Variants in PRKN observed in about 807,000 individuals in gnomAD.
The protein encoded by PRKN is parkin RBR E3 ubiquitin protein ligase, also known as E3 ubiquitin-protein ligase parkin.
PRKN carries 56 observed loss-of-function variants against 59.5 expected under a neutral mutation model. That is an observed-to-expected ratio of 0.94 (90% CI 0.76 to 1.18). The LOEUF is 1.18. Among genes scored for constraint, PRKN ranks in the 50% most tolerant of loss-of-function variants. The pLI, the probability that PRKN is intolerant of heterozygous loss-of-function variation, is 0.00. For synonymous variants in PRKN, 250 were observed against 222.1 expected (o/e 1.13, Z -1.12); for missense variants, 657 against 596.4 (o/e 1.10, Z -1.06).
intron 2 of PRKN, among the ~76,000 whole-genome samples, chr6:162,305,240 T>G (rs1782167371): frequency 6.6e-6 from 1 of 152,142 alleles, no homozygotes; most frequent in Admixed American, 6.6e-5. Flanking sequence ...GCCCTCAGTG[T>G]CTTTGTAAAC....
chr6:162,142,693 T>C (rs1488941765), intron 4 of PRKN, among the ~76,000 whole-genome samples: 1 of 152,150 alleles, frequency 6.6e-6, no homozygotes, highest in African/African-American at 2.4e-5. Context: ...CAGTAAACAG[T>C]AACAGAATCA....
At chr6:162,635,811 T>C (rs1440263869) in intron 1 of PRKN, among the ~76,000 whole-genome samples, 1 of 152,156 alleles carries the variant, frequency 6.6e-6, no homozygotes, top group Non-Finnish European at 1.5e-5. Flanking sequence ...TTGACACAAG[T>C]GAGTGCCTCA....
At chr6:161,580,705 CT>C (rs1253532406) in intron 7 of PRKN, among the ~76,000 whole-genome samples, 1 of 151,840 alleles carries the variant, frequency 6.6e-6, no homozygotes, top group African/African-American at 2.4e-5. Context: ...GTCTAAATTT[CT>C]TGATCTCATG....
chr6:161,817,360 G>A (rs1335752192), intron 6 of PRKN, among the ~76,000 whole-genome samples: 4 of 152,206 alleles, frequency 2.6e-5, no homozygotes, highest in African/African-American at 9.6e-5. Flanking sequence ...ACAGGGCCAC[G>A]TGGGTTTCCC....
intron 4 of PRKN, among the ~76,000 whole-genome samples, chr6:162,150,979 A>C (rs892292512): frequency 1.3e-5 from 2 of 152,206 alleles, no homozygotes; most frequent in Non-Finnish European, 2.9e-5. Context: ...TGAGTTTCTA[A>C]TAAAAGTAAA....
At chr6:162,200,841 A>T (rs998799971) in intron 4 of PRKN, among the ~76,000 whole-genome samples, 3 of 152,156 alleles carry the variant, frequency 2.0e-5, no homozygotes, top group Non-Finnish European at 4.4e-5. Context: ...ACCGTAACAG[A>T]AGCCCAACCT....
rs1450720950 is a variant in PRKN at position 161,581,428 on chromosome 6, C to T, written c.872-12012G>A. Among the ~76,000 whole-genome samples the T allele has an allele frequency of 6.6e-6, 1 of 152,058 alleles. No individual in the cohort carries two copies. The highest frequency in any genetic ancestry group is 1.5e-5 in the Non-Finnish European group (1 of 68,026). ...AAAAATGTCAATTAACTACCATGCC[C>T]AATAAGTACATAAGCAAAAGGAGTT... On this transcript the variant is annotated intron_variant, in intron 7 of 11. Transcript: ENST00000366898. The surrounding 1 kb of genome is among the most constrained non-coding windows in gnomAD (Gnocchi z 4.5).
rs1044469330 is a variant in PRKN, at chr6:161,488,772, A to G, written c.1083+60082T>C. Among the ~76,000 whole-genome samples, 1 of 152,182 alleles carries G rather than the reference A, an allele frequency of 6.6e-6. No homozygotes were observed. Among genetic ancestry groups the G allele is most frequent in the African/African-American group, 2.4e-5 (1 of 41,448 alleles). On this transcript the variant is annotated intron_variant, in intron 9 of 11. Transcript: ENST00000366898. The surrounding 1 kb of genome is among the most constrained non-coding windows in gnomAD (Gnocchi z 4.5). ...AGTGTTGGGATTACAGGCGTAAGCC[A>G]CCACACCTGGCATAACAAGGAATTT... is the stretch of plus-strand genomic sequence containing the variant.
chr6:162,268,413 C>T (rs80116886), intron 2 of PRKN, among the ~76,000 whole-genome samples: 3,479 of 152,276 alleles, frequency 0.023, 128 homozygotes, highest in African/African-American at 0.08. Flanking sequence ...AGGCCCTCAC[C>T]AGACACTGAA....
Position 161,360,683 on chromosome 6 carries a change from C to G in PRKN, c.1168-478G>C, listed in dbSNP as rs903116196. The stretch of plus-strand genomic sequence containing the variant: ...TTTGCTTTTAAACTTTGCTCTACAT[C>G]TTGTTATCCTTCCTTGCACCTGGCA... On this transcript the variant is annotated intron_variant, in intron 10 of 11. Coordinates refer to ENST00000366898, the MANE Select transcript of PRKN (RefSeq NM_004562.3). The surrounding 1 kb of genome is among the most constrained non-coding windows in gnomAD (Gnocchi z 5.1). 6.6e-6 allele frequency among the ~76,000 whole-genome samples: 1 copy of G among 152,050 alleles called. No individual in the cohort carries two copies. The highest frequency in any genetic ancestry group is 1.5e-5 in the Non-Finnish European group (1 of 68,024).
chr6:162,350,884 G>T (rs1583424502), intron 2 of PRKN, among the ~76,000 whole-genome samples: 1 of 152,008 alleles, frequency 6.6e-6, no homozygotes, highest in African/African-American at 2.4e-5. Flanking sequence ...GAAAAGACAA[G>T]TCACGAACTT....
At chr6:162,364,022 G>A (rs969076201) in intron 2 of PRKN, among the ~76,000 whole-genome samples, 2 of 152,184 alleles carry the variant, frequency 1.3e-5, no homozygotes, top group Non-Finnish European at 2.9e-5. Context: ...CTGCACACAA[G>A]CTGCTGCACT....
At chr6:162,031,160 A>C (rs188459512) in intron 5 of PRKN, among the ~76,000 whole-genome samples, 2 of 152,196 alleles carry the variant, frequency 1.3e-5, no homozygotes, top group Admixed American at 1.3e-4. Context: ...AAGGCCTGAG[A>C]AGGACAATTC....
chr6:161,994,443 C>T (rs1244764438), intron 5 of PRKN, among the ~76,000 whole-genome samples: 2 of 151,952 alleles, frequency 1.3e-5, no homozygotes, highest in Non-Finnish European at 2.9e-5. Flanking sequence ...CTCACTACTC[C>T]AATTCAACAT....
At chr6:161,640,993 A>T (rs1199966809) in intron 7 of PRKN, among the ~76,000 whole-genome samples, 2 of 152,250 alleles carry the variant, frequency 1.3e-5, no homozygotes, top group Non-Finnish European at 2.9e-5. Context: ...TTGCGAAAGT[A>T]TAACTGAGAA....
At chr6:162,670,020 C>T (rs1486413207) in intron 1 of PRKN, among the ~76,000 whole-genome samples, 1 of 152,150 alleles carries the variant, frequency 6.6e-6, no homozygotes, top group Non-Finnish European at 1.5e-5. Flanking sequence ...ACCAAATTTC[C>T]TTCCTTTGTG....
chr6:161,381,842 G>A (rs772218259), intron 10 of PRKN, among the ~76,000 whole-genome samples: 1 of 151,894 alleles, frequency 6.6e-6, no homozygotes, highest in Non-Finnish European at 1.5e-5. Context: ...GCCGGGCGCA[G>A]TGGCTCATGC....
In PRKN at chr6:162,298,617, C is replaced by A. The variant is rs553336338; in HGVS notation, c.172-35852G>T. Among the ~76,000 whole-genome samples the A allele has an allele frequency of 3.3e-3, 423 of 127,548 alleles. 2 individuals are homozygous for A. Among genetic ancestry groups the A allele is most frequent in the Non-Finnish European group, 6.2e-3 (367 of 59,098 alleles). 83.7% of individuals were successfully genotyped at this position (127,548 alleles called of 152,430 possible). ...ATTTAGTGACTCTCCCACCCCCCCA[C>A]CACCCCCCACCCCCCAACCCCATGA... On this transcript the variant is annotated intron_variant, in intron 2 of 11. Coordinates refer to ENST00000366898, the MANE Select transcript of PRKN (RefSeq NM_004562.3).
intron 3 of PRKN, among the ~76,000 whole-genome samples, chr6:162,234,539 A>G (rs1778564519): frequency 6.6e-6 from 1 of 152,198 alleles, no homozygotes; most frequent in Non-Finnish European, 1.5e-5. Context: ...CCTTGATATA[A>G]AATGACAGAG....
Sources: gnomAD v4.1 joint callset for allele counts (sites outside exome capture counted in the v4.1 genomes callset) on GRCh38, gnomAD v4.1.1 for gene constraint, Gnocchi (gnomAD v3.1) non-coding constraint, MANE v1.5 for transcripts, NCBI Gene and HGNC (gene_info 2026-07-23, HGNC 2026-07-21) for gene names.